The following RSAD2 variants were observed in gnomAD, a reference collection of about 807,000 sequenced individuals.
The protein encoded by RSAD2 is radical S-adenosyl methionine domain containing 2.
A neutral mutation model predicts 37.7 loss-of-function variants in RSAD2; 38 were observed. The observed-to-expected ratio is 1.01, with a 90% CI of 0.78 to 1.32. The LOEUF is 1.32. Ranked by LOEUF, RSAD2 falls within the 40% of genes most tolerant of loss-of-function variation. The pLI, the probability that RSAD2 is intolerant of heterozygous loss-of-function variation, is 0.00. For synonymous variants in RSAD2, 163 were observed against 157.4 expected, an observed-to-expected ratio of 1.04 and a Z score of -0.27; for missense variants, 428 against 437.5, an observed-to-expected ratio of 0.98 and a Z score of 0.19.
At chr2:6,871,319 C>A (rs1663200437) in intron 1 of RSAD2, among the ~76,000 whole-genome samples, 1 of 152,206 alleles carries the variant, frequency 6.6e-6, no homozygotes, top group African/African-American at 2.4e-5. Flanking sequence ...TTCCCTCCTT[C>A]CTCTTTCAGG....
chr2:6,878,902 A>G (rs899511019), intron 1 of RSAD2: 7 of 1,107,662 alleles, frequency 6.3e-6, no homozygotes, highest in Non-Finnish European at 8.5e-6. Flanking sequence ...CATAGCATAC[A>G]TGCACCAGAT....
chr2:6,871,356 G>T (rs930879965), intron 1 of RSAD2, among the ~76,000 whole-genome samples: 1 of 152,112 alleles, frequency 6.6e-6, no homozygotes, highest in Non-Finnish European at 1.5e-5. Context: ...TTAAGAAAAG[G>T]TTCTAAACTA....
Position 6,877,983 on chromosome 2 carries a change from G to T in RSAD2, c.183G>T (p.Glu61Asp), listed in dbSNP as rs1194041705. The T allele has an allele frequency of 1.2e-6, 2 of 1,614,038 alleles. No homozygotes were observed. Among genetic ancestry groups the T allele is most frequent in the Non-Finnish European group, 1.7e-6 (2 of 1,180,024 alleles). ...TGAGAGGGCCAGATGAGACCAAAGA[G>T]GAGGAAGAGGACCCTCCTCTGCCCA... ...LVLRGPDETK[E>D]EEEDPPLPTT... Residue 61 changes from glutamate (E) to aspartate (D), a missense_variant, in exon 1 of 6, where the codon GAG becomes GAT. Transcript: ENST00000382040.
rs1276226261 is a variant in RSAD2 at position 6,877,833 on chromosome 2, G to A, written c.33G>A (p.Gly11=). MWVLTPAAFA[G]KLLSVFRQPL... ...TGCTTACACCTGCTGCTTTTGCTGG[G>A]AAGCTCTTGAGTGTGTTCAGGCAAC... Residue 11 remains glycine (G), a synonymous_variant, in exon 1 of 6, where the codon GGG becomes GGA. Coordinates refer to ENST00000382040, the MANE Select transcript of RSAD2 (RefSeq NM_080657.5). 6.2e-7 allele frequency: 1 copy of A among 1,614,022 alleles called. No individual in the cohort carries two copies. Among genetic ancestry groups the A allele is most frequent in the Admixed American group, 1.7e-5 (1 of 59,994 alleles).
At chr2:6,866,386 T>A (rs4668513) in intron 1 of RSAD2, 3 of 929,350 alleles carry the variant, frequency 3.2e-6, no homozygotes, top group Non-Finnish European at 3.9e-6. Context: ...ACCTGTGCAC[T>A]CACTCACCTG....
At position 6,897,447 on chromosome 2, in the gene RSAD2, T is replaced by G. The variant is rs1045307745; in HGVS notation, c.*1505T>G. 6 of 152,190 alleles carry G rather than the reference T, an allele frequency of 3.9e-5. No individual in the cohort carries two copies. The highest frequency in any genetic ancestry group is 8.8e-5 in the Non-Finnish European group (6 of 68,034). 9.4% of individuals were successfully genotyped at this position (152,190 alleles called of 1,614,324 possible). A position where few individuals can be genotyped will look rare whatever the true frequency, so the allele number is the denominator to read the frequency against. The stretch of plus-strand genomic sequence containing the variant: ...CTTGGTGATTCTGAAAGTTTTGGTT[T>G]TTGTGACTTTGTTTCTCAGGAAAAA... On this transcript the variant is annotated 3_prime_UTR_variant, in exon 6 of 6. Coordinates refer to ENST00000382040, the MANE Select transcript of RSAD2 (RefSeq NM_080657.5).
chr2:6,885,239 A>G (rs1396025325), intron 2 of RSAD2, among the ~76,000 whole-genome samples: 1 of 152,214 alleles, frequency 6.6e-6, no homozygotes. Context: ...TCTCTCTAGC[A>G]GTGAACTATA....
At chr2:6,883,058 G>C (rs114213586) in intron 1 of RSAD2, among the ~76,000 whole-genome samples, 1 of 152,170 alleles carries the variant, frequency 6.6e-6, no homozygotes, top group East Asian at 1.9e-4. Context: ...CAGCTGGCCC[G>C]TGGACAGTCA....
upstream of RSAD2, among the ~76,000 whole-genome samples, chr2:6,874,242 A>T (rs1412861966): frequency 2.6e-5 from 4 of 152,098 alleles, no homozygotes; most frequent in African/African-American, 9.7e-5. Context: ...AGCCAAGCAG[A>T]TGCCAGCATG....
intron 2 of RSAD2, among the ~76,000 whole-genome samples, chr2:6,885,880 CG>C (rs1280666039): frequency 2.0e-5 from 3 of 152,108 alleles, no homozygotes; most frequent in Non-Finnish European, 4.4e-5. Flanking sequence ...ATTTTTAGAA[CG>C]TTTTGAGTTG....
In RSAD2 at chr2:6,897,179, C is replaced by A. The variant is rs1663794211; in HGVS notation, c.*1237C>A. The A allele has an allele frequency of 6.6e-6, 1 of 152,124 alleles. No homozygotes were observed. The highest frequency in any genetic ancestry group is 1.5e-5 in the Non-Finnish European group (1 of 68,026). The allele number at this position is 152,124 out of a possible 1,614,324, so 9.4% of individuals were successfully genotyped here. On this transcript the variant is annotated 3_prime_UTR_variant, in exon 6 of 6. Coordinates refer to ENST00000382040, the MANE Select transcript of RSAD2 (RefSeq NM_080657.5). ...CGTAAACTAGATCAGGGAACAAAAT[C>A]CTCTCCTTGTGGAAATATCCCATGC... is the stretch of plus-strand genomic sequence containing the variant.
At chr2:6,867,400 C>A (rs560732254) in intron 1 of RSAD2, among the ~76,000 whole-genome samples, 1 of 152,142 alleles carries the variant, frequency 6.6e-6, no homozygotes, top group Non-Finnish European at 1.5e-5. Flanking sequence ...CCTTGAAGTT[C>A]CAAATTTCCT....
At position 6,889,508 on chromosome 2, in the gene RSAD2, T is replaced by G. The variant is rs145393016; in HGVS notation, c.739-668T>G. On this transcript the variant is annotated intron_variant, in intron 3 of 5. Coordinates refer to ENST00000382040, the MANE Select transcript of RSAD2 (RefSeq NM_080657.5). ...TGAAATTCTGTGTAGAATCATCCTT[T>G]CCATGGAAACCCTTTAGATCTGGGT... Among the ~76,000 whole-genome samples, 302 of 152,354 alleles carry G rather than the reference T, an allele frequency of 2.0e-3. 2 individuals are homozygous for G. The highest frequency in any genetic ancestry group is 6.7e-3 in the African/African-American group (280 of 41,584).
In RSAD2 at chr2:6,878,055, C is replaced by G; in HGVS notation, c.255C>G (p.Tyr85Ter). Reference sequence around the variant, plus strand: ...ATCACTTCACTCGCCAGTGCAACTACAAATGCGGCTTCTGTTTCCACACAG... The same window carrying G: ...ATCACTTCACTCGCCAGTGCAACTAGAAATGCGGCTTCTGTTTCCACACAG... ...VNYHFTRQCN[Y>*]KCGFCFHTAK... is the part of the protein sequence containing the mutation. Residue 85 changes from tyrosine to a stop codon, truncating the protein, a stop_gained, in exon 1 of 6, where the codon TAC becomes TAG. Coordinates refer to ENST00000382040, the MANE Select transcript of RSAD2 (RefSeq NM_080657.5). LOFTEE classifies it high-confidence loss of function. 1 of 1,614,218 alleles carries G rather than the reference C, an allele frequency of 6.2e-7. No homozygotes were observed. Among genetic ancestry groups the G allele is most frequent in the Non-Finnish European group, 8.5e-7 (1 of 1,180,040 alleles).
chr2:6,872,526 T>C (rs575165110), intron 1 of RSAD2, among the ~76,000 whole-genome samples: 2 of 152,016 alleles, frequency 1.3e-5, no homozygotes, highest in South Asian at 4.1e-4. Context: ...ATGAGGAGGG[T>C]AGAATGTGTT....
At chr2:6,872,301 C>A (rs1259789877) in intron 1 of RSAD2, among the ~76,000 whole-genome samples, 1 of 152,094 alleles carries the variant, frequency 6.6e-6, no homozygotes, top group African/African-American at 2.4e-5. Context: ...TTCAGAAGAA[C>A]AAGAGTTCTT....
intron 1 of RSAD2, among the ~76,000 whole-genome samples, chr2:6,869,861 T>C (rs761896516): frequency 4.6e-5 from 7 of 152,180 alleles, no homozygotes; most frequent in Admixed American, 6.5e-5. Flanking sequence ...CCAGTAGCCA[T>C]TTGCTGACTA....
rs756945161 is a variant in RSAD2, at chr2:6,883,541, C to T, written c.508+9C>T. On this transcript the variant is annotated intron_variant, in intron 2 of 5. Coordinates refer to ENST00000382040, the MANE Select transcript of RSAD2 (RefSeq NM_080657.5). ...GTGGTTCCAGAATTATGGTGTGCTCCATGGGATGGCATTCTTCTTATTGCT... is the reference window on the plus strand; with the variant it reads ...GTGGTTCCAGAATTATGGTGTGCTCTATGGGATGGCATTCTTCTTATTGCT... 4.3e-6 allele frequency: 7 copies of T among 1,613,508 alleles called. No homozygotes were observed. Among genetic ancestry groups the T allele is most frequent in the African/African-American group, 4.0e-5 (3 of 74,918 alleles).
Position 6,880,918 on chromosome 2 carries a change from A to C in RSAD2, c.347-2453A>C, listed in dbSNP as rs566172609. ...CTTTCCTGGCTTTTAAACTGTTTTG[A>C]AATTCTATTCAGAAAGACTGAATAG... On this transcript the variant is annotated intron_variant, in intron 1 of 5. Transcript: ENST00000382040. 1.1e-3 allele frequency among the ~76,000 whole-genome samples: 173 copies of C among 152,172 alleles called. 4 individuals carry two copies. The South Asian group carries it at 0.034, about 30-fold the overall frequency.
Sources: allele counts gnomAD v4.1 joint callset (sites outside exome capture counted in the v4.1 genomes callset), GRCh38; gene constraint gnomAD v4.1.1; transcripts MANE v1.5; gene names NCBI Gene and HGNC (gene_info 2026-07-23, HGNC 2026-07-21).